PDE11A: variants seen among roughly 807,000 people sequenced by gnomAD.
PDE11A encodes phosphodiesterase 11A, also known as dual 3',5'-cyclic-AMP and -GMP phosphodiesterase 11A.
Under a neutral mutation model 100.5 loss-of-function variants are expected in PDE11A, and 100 were observed. That is an observed-to-expected ratio of 1.00 (90% CI 0.85 to 1.18). PDE11A has a LOEUF of 1.18. PDE11A is among the 50% of genes most tolerant of loss of function. The pLI, the probability that PDE11A is intolerant of heterozygous loss-of-function variation, is 0.00. For missense variants in PDE11A, 1,141 were observed against 1,152.6 expected (o/e 0.99, Z 0.15); for synonymous variants, 381 against 420.8 (o/e 0.91, Z 1.16).
chr2:177,747,939 AG>A (rs1287706603), intron 10 of PDE11A, among the ~76,000 whole-genome samples: 3 of 152,104 alleles, frequency 2.0e-5, no homozygotes, highest in Non-Finnish European at 2.9e-5. Flanking sequence ...TGGCAGAGCC[AG>A]GATTAGAATC....
In PDE11A at chr2:177,939,525, GAGGGAGGAAGGAAGGAAGGA is replaced by G. The variant is rs1385563322; in HGVS notation, c.1072-34358_1072-34339del. On this transcript the variant is annotated intron_variant, in intron 2 of 19. Transcript: ENST00000286063. ...GAAGGAGGGAGGGAGGGAAGGGAGG[GAGGGAGGAAGGAAGGAAGGA>G]AGGAAGGAAGGAAGGAAGGAAGGAA... Among the ~76,000 whole-genome samples the G allele has an allele frequency of 3.3e-4, 34 of 103,564 alleles. 3 individuals carry two copies. In the South Asian group the frequency reaches 6.3e-3, roughly 19 times the overall value. 67.9% of individuals were successfully genotyped at this position (103,564 alleles called of 152,430 possible).
chr2:177,745,064 C>T (rs893825525), intron 10 of PDE11A, among the ~76,000 whole-genome samples: 21 of 152,184 alleles, frequency 1.4e-4, no homozygotes, highest in African/African-American at 5.1e-4. Context: ...TCTCTGTATG[C>T]CCTCCTCATT....
chr2:177,876,883 T>A (rs1348905389), intron 4 of PDE11A, among the ~76,000 whole-genome samples: 1 of 147,640 alleles, frequency 6.8e-6, no homozygotes, highest in Non-Finnish European at 1.5e-5. Flanking sequence ...AAACTGACAA[T>A]AGACAGATTA....
intron 19 of PDE11A, among the ~76,000 whole-genome samples, chr2:177,642,529 A>G (rs1429043228): frequency 1.3e-5 from 2 of 152,204 alleles, no homozygotes; most frequent in Non-Finnish European, 2.9e-5. Flanking sequence ...ATTCTGCCAG[A>G]ACTGTGGTAT....
chr2:177,997,388 T>A, intron 2 of PDE11A: 1 of 824,242 alleles, frequency 1.2e-6, no homozygotes, highest in South Asian at 1.3e-5. Flanking sequence ...TGAAGTTGTA[T>A]ATTCACTGGC....
chr2:177,830,976 A>G (rs1350990394), intron 6 of PDE11A, among the ~76,000 whole-genome samples: 2 of 152,216 alleles, frequency 1.3e-5, no homozygotes, highest in African/African-American at 2.4e-5. Flanking sequence ...GCTCTGTGAC[A>G]TATAATCTTT....
chr2:177,961,399 C>T (rs772707290), intron 2 of PDE11A, among the ~76,000 whole-genome samples: 7 of 152,238 alleles, frequency 4.6e-5, no homozygotes, highest in Non-Finnish European at 8.8e-5. Flanking sequence ...GAGGCTGTAT[C>T]GCTGGCAACA....
intron 1 of PDE11A, chr2:178,038,964 G>T (rs575592512): frequency 6.6e-6 from 1 of 152,142 alleles, no homozygotes; most frequent in Non-Finnish European, 1.5e-5. Flanking sequence ...TGGCCCCTGC[G>T]CAAGGATGAT....
In PDE11A at chr2:178,037,599, T is replaced by C. The variant is rs190494458; in HGVS notation, c.913-23139A>G. Among the ~76,000 whole-genome samples the C allele has an allele frequency of 1.6e-3, 239 of 152,258 alleles. 1 individual carries two copies. Among genetic ancestry groups the C allele is most frequent in the African/African-American group, 5.3e-3 (219 of 41,532 alleles). On this transcript the variant is annotated intron_variant, in intron 1 of 19. Transcript: ENST00000286063. Reference sequence around the variant, plus strand: ...GTGTTTATTGCAGCACTATTTACAATAGCAAAGACATGGAACCAACCCAAA... The same window carrying C: ...GTGTTTATTGCAGCACTATTTACAACAGCAAAGACATGGAACCAACCCAAA...
intron 5 of PDE11A, among the ~76,000 whole-genome samples, chr2:177,854,594 G>C (rs866849823): frequency 6.6e-6 from 1 of 152,092 alleles, no homozygotes; most frequent in African/African-American, 2.4e-5. Flanking sequence ...TTCCCTGAGA[G>C]ATGTGCTTAG....
At chr2:177,634,936 G>A (rs1480670127) in intron 19 of PDE11A, among the ~76,000 whole-genome samples, 1 of 152,108 alleles carries the variant, frequency 6.6e-6, no homozygotes, top group Non-Finnish European at 1.5e-5. Context: ...GAAAGAGAAG[G>A]GGGGAAACTT....
chr2:177,693,126 G>A (rs2081065085), intron 15 of PDE11A, among the ~76,000 whole-genome samples: 1 of 152,128 alleles, frequency 6.6e-6, no homozygotes, highest in Admixed American at 6.5e-5. Flanking sequence ...TAATTGTACG[G>A]GGAGCCTAAT....
At chr2:177,690,648 G>C (rs980210416) in intron 15 of PDE11A, among the ~76,000 whole-genome samples, 1 of 152,200 alleles carries the variant, frequency 6.6e-6, no homozygotes, top group Non-Finnish European at 1.5e-5. Flanking sequence ...CCTTTCGAGA[G>C]ACAAATACAA....
At chr2:177,819,574 G>A (rs1386259349) in intron 7 of PDE11A, among the ~76,000 whole-genome samples, 3 of 151,994 alleles carry the variant, frequency 2.0e-5, no homozygotes, top group African/African-American at 7.2e-5. Context: ...AGAAGGAAAG[G>A]AGAATGGAGG....
chr2:177,736,941 T>C (rs1442701533), intron 10 of PDE11A, among the ~76,000 whole-genome samples: 1 of 151,956 alleles, frequency 6.6e-6, no homozygotes, highest in Admixed American at 6.6e-5. Flanking sequence ...CTAAAGACAC[T>C]AATAAAGCCA....
chr2:177,659,780 CT>C lies in PDE11A; in HGVS notation c.2646+4085del, dbSNP rs111759646. Among the ~76,000 whole-genome samples, 922 of 148,634 alleles carry C rather than the reference CT, an allele frequency of 6.2e-3. 12 individuals carry two copies. Among genetic ancestry groups the C allele is most frequent in the African/African-American group, 0.021 (862 of 40,772 alleles). ...GTGTCTTTTTTTCTTCCTTCTTCTT[CT>C]TTTTTTTTTTCCCCCTCCAAAGACG... On this transcript the variant is annotated intron_variant, in intron 19 of 19. Coordinates refer to ENST00000286063, the MANE Select transcript of PDE11A (RefSeq NM_016953.4).
chr2:177,778,447 A>G (rs2082408377), intron 9 of PDE11A, among the ~76,000 whole-genome samples: 2 of 152,220 alleles, frequency 1.3e-5, no homozygotes, highest in Admixed American at 1.3e-4. Context: ...CCCACTGAGG[A>G]TCCAGACTGA....
intron 9 of PDE11A, among the ~76,000 whole-genome samples, chr2:177,816,597 T>C (rs930105305): frequency 2.6e-5 from 4 of 152,216 alleles, no homozygotes; most frequent in Non-Finnish European, 5.9e-5. Context: ...AAAAAATCTA[T>C]ATCTAAACAT....
chr2:178,099,940 A>C (rs1369032766), intron 2 of PDE11A, among the ~76,000 whole-genome samples: 2 of 152,228 alleles, frequency 1.3e-5, no homozygotes, highest in African/African-American at 4.8e-5. Flanking sequence ...AAAAAGATAG[A>C]AATTTCAACA....
Sources: gnomAD v4.1 joint callset for allele counts (sites outside exome capture counted in the v4.1 genomes callset) on GRCh38, gnomAD v4.1.1 for gene constraint, MANE v1.5 for transcripts, NCBI Gene and HGNC (gene_info 2026-07-23, HGNC 2026-07-21) for gene names.